Variants in EPRS1 observed in about 807,000 individuals in gnomAD.
EPRS1 encodes bifunctional glutamate/proline--tRNA ligase.
Under a neutral mutation model 188.3 loss-of-function variants are expected in EPRS1, and 107 were observed. That is an observed-to-expected ratio of 0.57 (90% CI 0.49 to 0.67). The LOEUF (loss-of-function observed/expected upper bound fraction) is 0.67. EPRS1 is among the 30% of genes least tolerant of loss of function. The probability of loss-of-function intolerance (pLI) is 0.00; values close to 1 mark genes in which losing one functional copy is unlikely to be tolerated. For missense variants in EPRS1, 1,577 were observed against 1,802.2 expected, an observed-to-expected ratio of 0.88 and a Z score of 2.26; for synonymous variants, 596 against 593.1, an observed-to-expected ratio of 1.00 and a Z score of -0.07.
intron 24 of EPRS1, 53 bp downstream of exon 24, chr1:219,981,325 A>G (rs1660893897): frequency 7.7e-7 from 1 of 1,304,778 alleles, no homozygotes; most frequent in Non-Finnish European, 1.1e-6. Context: ...TTTAAAAAAA[A>G]AAAAAAAAAG....
At chr1:219,972,287 T>C (rs1334895698) in intron 29 of EPRS1, 140 bp from the exon 30 acceptor site, 2 of 539,396 alleles carry the variant, frequency 3.7e-6, no homozygotes, top group Non-Finnish European at 6.7e-6. Context: ...CTATCACTCA[T>C]AGTGACCATC....
Position 219,988,585 on chromosome 1 carries a change from C to T in EPRS1, c.2775+5G>A, listed in dbSNP as rs201479324. The T allele has an allele frequency of 1.4e-4, 216 of 1,593,688 alleles. No individual in the cohort carries two copies. In the African/African-American group the frequency reaches 2.6e-3, roughly 19 times the overall value. The stretch of plus-strand genomic sequence containing the variant: ...AAAAGCATATAAACAAAATAACACA[C>T]TAACCTTAGGGGCTTTTTCAGTTTT... On this transcript the variant is annotated splice_donor_5th_base_variant and intron_variant, in intron 19 of 31. Coordinates refer to ENST00000366923, the MANE Select transcript of EPRS1 (RefSeq NM_004446.3).
Position 219,983,365 on chromosome 1 carries a change from C to A in EPRS1, c.3124G>T (p.Asp1042Tyr), listed in dbSNP as rs745455847. 4 of 1,613,688 alleles carry A rather than the reference C, an allele frequency of 2.5e-6. No individual in the cohort carries two copies. The South Asian group carries it at 4.4e-5, about 18-fold the overall frequency. Residue 1042 changes from aspartate (D) to tyrosine (Y), a missense_variant, in exon 22 of 32, where the codon GAC becomes TAC. Physicochemically the swap from Asp to Tyr is radical, Grantham distance 160 (BLOSUM62 -3). Transcript: ENST00000366923. ...ITKSEMIEYH[D>Y]ISGCYILRPW... Reference sequence around the variant, plus strand: ...CGAAGAATATAACAGCCACTTATGTCATGGTATTCAATCATTTCTGACTTT... The same window carrying A: ...CGAAGAATATAACAGCCACTTATGTAATGGTATTCAATCATTTCTGACTTT...
intron 19 of EPRS1, among the ~76,000 whole-genome samples, chr1:219,988,323 T>G (rs1029008308): frequency 6.6e-6 from 1 of 152,108 alleles, no homozygotes; most frequent in African/African-American, 2.4e-5. Context: ...TCTTACAGGT[T>G]GGAGGGAAAC....
intron 18 of EPRS1, among the ~76,000 whole-genome samples, chr1:219,989,394 A>G (rs1463578741): frequency 6.6e-6 from 1 of 151,314 alleles, no homozygotes; most frequent in Non-Finnish European, 1.5e-5. Context: ...ACTCAGCCCC[A>G]CCGAGACACT....
At chr1:219,991,713 T>C (rs946044641) in intron 18 of EPRS1, among the ~76,000 whole-genome samples, 2 of 152,036 alleles carry the variant, frequency 1.3e-5, no homozygotes, top group African/African-American at 4.8e-5. Flanking sequence ...CAGCACAGGG[T>C]AGAGCCGAGA....
chr1:220,025,332 G>A (rs969171072), intron 6 of EPRS1, 74 bp from the exon 7 acceptor site: 3 of 1,210,140 alleles, frequency 2.5e-6, no homozygotes, highest in Non-Finnish European at 3.4e-6. Context: ...CCTTTTTGAG[G>A]AGATGAGAAC....
chr1:220,046,488 G>A lies in EPRS1; in HGVS notation c.-100C>T. The A allele has an allele frequency of 6.5e-7, 1 of 1,531,530 alleles. No individual in the cohort carries two copies. The highest frequency in any genetic ancestry group is 8.8e-7 in the Non-Finnish European group (1 of 1,139,116). 94.9% of individuals were successfully genotyped at this position (1,531,530 alleles called of 1,614,324 possible). ...GAAGATGCAACGTGTGCGCGTACCCGACGCCGCCGCAGCCTTCGCTCCGCC... is the reference window on the plus strand; with the variant it reads ...GAAGATGCAACGTGTGCGCGTACCCAACGCCGCCGCAGCCTTCGCTCCGCC... On this transcript the variant is annotated 5_prime_UTR_variant, in exon 1 of 32. Coordinates refer to ENST00000366923, the MANE Select transcript of EPRS1 (RefSeq NM_004446.3).
At chr1:220,016,605 G>T (rs1661720012) in intron 12 of EPRS1, among the ~76,000 whole-genome samples, 1 of 83,624 alleles carries the variant, frequency 1.2e-5, no homozygotes. Flanking sequence ...TTTTTGGAGA[G>T]ATGGGGTATC....
At chr1:220,018,850 TA>T (rs34320023) in intron 11 of EPRS1, 144 bp downstream of exon 11, 187,508 of 355,902 alleles carry the variant, frequency 0.53, 29,722 homozygotes, top group Admixed American at 0.61. Flanking sequence ...AAGTTTGTTT[TA>T]AAAAAAAAAA....
At chr1:219,973,531 G>GAAA (rs34026037) in intron 28 of EPRS1, 133 bp from the exon 29 acceptor site, 96 of 358,750 alleles carry the variant, frequency 2.7e-4, no homozygotes, top group South Asian at 7.6e-4. Context: ...AAAAACAAGA[G>GAAA]AAAAAAAAAA....
chr1:219,982,754 T>TC lies in EPRS1; in HGVS notation c.3373+17dup. The TC allele has an allele frequency of 1.2e-6, 2 of 1,607,162 alleles. No homozygotes were observed. Among genetic ancestry groups the TC allele is most frequent in the Middle Eastern group, 3.3e-4 (2 of 6,044 alleles). On this transcript the variant is annotated intron_variant, in intron 23 of 31. Transcript: ENST00000366923. ...ACGTTCAGTGAGCATTCTCTTGCAC[T>TC]CCAATGCCTATTCTCACCTGTTTCA...
chr1:219,983,754 G>A (rs915834799), intron 21 of EPRS1, among the ~76,000 whole-genome samples: 8 of 152,134 alleles, frequency 5.3e-5, no homozygotes, highest in South Asian at 2.1e-4. Context: ...TTAGCCGGGC[G>A]TGGTAGCGTG....
At position 220,034,982 on chromosome 1, in the gene EPRS1, G is replaced by T; in HGVS notation, c.163C>A (p.Leu55Ile). 6.3e-7 allele frequency: 1 copy of T among 1,597,332 alleles called. No homozygotes were observed. Among genetic ancestry groups the T allele is most frequent in the Non-Finnish European group, 8.5e-7 (1 of 1,170,408 alleles). ...GTTGCAACTCTAGCCAAGTAGCGAA[G>T]TATAGAATTCACATCTGTGAATATC... The part of the protein sequence containing the change: ...NVIFTDVNSI[L>I]RYLARVATTA... Residue 55 changes from leucine to isoleucine, a missense_variant, in exon 3 of 32, where the codon CTT (leucine) becomes ATT (isoleucine). By Grantham distance (5) the Leu-to-Ile change is conservative (BLOSUM62 2). Around this residue, in one of 3 missense-constraint regions of EPRS1, gnomAD observed 1,278 missense variants for 1,457.4 expected, o/e 0.88. Coordinates refer to ENST00000366923, the MANE Select transcript of EPRS1 (RefSeq NM_004446.3).
At chr1:220,002,904 G>A (rs539819715) in intron 16 of EPRS1, among the ~76,000 whole-genome samples, 1 of 152,254 alleles carries the variant, frequency 6.6e-6, no homozygotes, top group Non-Finnish European at 1.5e-5. Context: ...ATAATCTATT[G>A]CCACTTTTTG....
intron 17 of EPRS1, among the ~76,000 whole-genome samples, chr1:219,998,454 A>G (rs986288797): frequency 6.6e-6 from 1 of 152,158 alleles, no homozygotes; most frequent in Non-Finnish European, 1.5e-5. Context: ...GTACACTCAA[A>G]CACTAATATG....
chr1:220,041,364 T>A (rs2253521), intron 1 of EPRS1, among the ~76,000 whole-genome samples: 9,961 of 152,020 alleles, frequency 0.066, 406 homozygotes, highest in East Asian at 0.15. Context: ...TTCATCCCCA[T>A]TTTACAGAAT....
intron 12 of EPRS1, 88 bp downstream of exon 12, chr1:220,018,361 C>T: frequency 1.8e-6 from 2 of 1,126,820 alleles, no homozygotes; most frequent in Non-Finnish European, 2.7e-6. Flanking sequence ...ACAAACTTTT[C>T]TCTACCATGA....
chr1:220,011,548 G>C (rs1661604691), intron 12 of EPRS1, among the ~76,000 whole-genome samples: 1 of 152,090 alleles, frequency 6.6e-6, no homozygotes, highest in Admixed American at 6.5e-5. Context: ...ACTATAATAA[G>C]GCAATTCTAT....
Sources: gnomAD v4.1 joint callset for allele counts (sites outside exome capture counted in the v4.1 genomes callset) on GRCh38, gnomAD v4.1.1 for gene constraint, gnomAD v4.1.1 regional missense constraint, MANE v1.5 for transcripts, NCBI Gene and HGNC (gene_info 2026-07-23, HGNC 2026-07-21) for gene names.